TGM2: variants seen among roughly 807,000 people sequenced by gnomAD.
TGM2 encodes the protein transglutaminase 2.
In TGM2, 53 loss-of-function variants were observed where a neutral mutation model predicts 75.6. The ratio of observed to expected loss-of-function variants is 0.70; its 90% CI spans 0.56 to 0.88. TGM2 has a LOEUF of 0.88. TGM2 is among the 40% of genes least tolerant of loss of function. The probability of loss-of-function intolerance (pLI) is 0.00; values close to 1 mark genes in which losing one functional copy is unlikely to be tolerated. For synonymous variants in TGM2, 374 were observed against 381.1 expected (o/e 0.98, Z 0.22); for missense variants, 842 against 928.5 (o/e 0.91, Z 1.21).
chr20:38,133,559 G>GATTCATGTAGTTTAGC (rs1311605615), intron 10 of TGM2: 1 of 152,374 alleles, frequency 6.6e-6, no homozygotes, highest in African/African-American at 2.4e-5. Context: ...GCATTTTAAG[G>GATTCATGTAGTTTAGC]ATTCATGTAG....
upstream of TGM2, chr20:38,165,326 G>T: frequency 1.4e-6 from 2 of 1,434,384 alleles, no homozygotes; most frequent in Non-Finnish European, 1.9e-6. Flanking sequence ...GCCGGGGGCG[G>T]GGCCCCGCGG....
intron 5 of TGM2, 37 bp downstream of exon 5, chr20:38,147,924 A>G: frequency 6.3e-7 from 1 of 1,591,896 alleles, no homozygotes; most frequent in Non-Finnish European, 8.5e-7. Context: ...AGCCCCCTGT[A>G]GGCCCCGCCC....
In TGM2 at chr20:38,148,037, T is replaced by G; in HGVS notation, c.605A>C (p.Lys202Thr). ...ICLILLDVNPKFLKNAGRDCS... is the reference protein window; with the variant it reads ...ICLILLDVNPTFLKNAGRDCS... ...GTCACGGCCGGCGTTCTTCAGGAAC[T>G]TGGGGTTGACATCTAGAAGGATCAG... Residue 202 changes from lysine to threonine, a missense_variant, in exon 5 of 13, where the codon AAG becomes ACG. Transcript: ENST00000361475. 1 of 1,614,070 alleles carries G rather than the reference T, an allele frequency of 6.2e-7. No individual in the cohort carries two copies. Among genetic ancestry groups the G allele is most frequent in the Non-Finnish European group, 8.5e-7 (1 of 1,180,028 alleles).
At chr20:38,160,122 C>T (rs1011607299) in intron 2 of TGM2, among the ~76,000 whole-genome samples, 6 of 152,160 alleles carry the variant, frequency 3.9e-5, no homozygotes, top group African/African-American at 1.2e-4. Context: ...AGGAGCTATC[C>T]GAGGCTAGGC....
chr20:38,152,179 AC>A lies in TGM2; in HGVS notation c.434-1123del, dbSNP rs574669062. 2.1e-3 allele frequency among the ~76,000 whole-genome samples: 324 copies of A among 152,258 alleles called. 1 individual carries two copies. The highest frequency in any genetic ancestry group is 7.6e-3 in the African/African-American group (314 of 41,536). On this transcript the variant is annotated intron_variant, in intron 3 of 12. Transcript: ENST00000361475. ...TTTTAAATTACATTAAAACATGTTC[AC>A]GGGCCCCTAAGAGTTTCTCAGGCCC...
chr20:38,132,992 C>G, intron 10 of TGM2: 1 of 386,386 alleles, frequency 2.6e-6, no homozygotes, highest in Non-Finnish European at 5.3e-6. Flanking sequence ...TCCTACTTCA[C>G]CTACATGACA....
chr20:38,157,387 T>A (rs2075201335), intron 2 of TGM2, among the ~76,000 whole-genome samples: 1 of 152,200 alleles, frequency 6.6e-6, no homozygotes, highest in South Asian at 2.1e-4. Flanking sequence ...GGAGGAGCCA[T>A]GCAGGCCTGG....
chr20:38,139,276 G>T, intron 9 of TGM2, 136 bp downstream of exon 9: 1 of 1,246,776 alleles, frequency 8.0e-7, no homozygotes, highest in Non-Finnish European at 1.2e-6. Flanking sequence ...TGCTGAAGAT[G>T]GAGTATAGCC....
intron 9 of TGM2, 105 bp downstream of exon 9, chr20:38,139,307 T>C (rs1443484383): frequency 1.3e-6 from 2 of 1,557,694 alleles, no homozygotes. Context: ...TTGCTGTACG[T>C]AGGCTACCAA....
intron 8 of TGM2, 87 bp from the exon 9 acceptor site, chr20:38,139,741 G>C: frequency 6.4e-7 from 1 of 1,565,490 alleles, no homozygotes; most frequent in Non-Finnish European, 8.7e-7. Context: ...ATCACATGTA[G>C]CCAAAAACCT....
chr20:38,156,163 C>A, intron 2 of TGM2, 74 bp from the exon 3 acceptor site: 1 of 1,552,804 alleles, frequency 6.4e-7, no homozygotes, highest in Non-Finnish European at 8.7e-7. Flanking sequence ...CGTGGGGTCC[C>A]CCAGCTTGGG....
At chr20:38,138,648 C>G (rs2074931111) in intron 9 of TGM2, among the ~76,000 whole-genome samples, 1 of 152,200 alleles carries the variant, frequency 6.6e-6, no homozygotes, top group African/African-American at 2.4e-5. Flanking sequence ...GTGTTGTTTT[C>G]TGTTTCAAAC....
intron 8 of TGM2, among the ~76,000 whole-genome samples, chr20:38,140,561 GA>G (rs2074959634): frequency 6.6e-6 from 1 of 152,142 alleles, no homozygotes; most frequent in African/African-American, 2.4e-5. Context: ...GCAGCCTGAG[GA>G]GCACTTAGGA....
In TGM2 at chr20:38,129,670, G is replaced by C. The variant is rs1186718742; in HGVS notation, c.*549C>G. 1 of 156,850 alleles carries C rather than the reference G, an allele frequency of 6.4e-6. No individual in the cohort carries two copies. The highest frequency in any genetic ancestry group is 2.4e-5 in the African/African-American group (1 of 41,494). 9.7% of individuals were successfully genotyped at this position (156,850 alleles called of 1,614,324 possible). Reference sequence around the variant, plus strand: ...GTGCTTCACAATGGTGAGGTTGAGGGGGAGGGCTATTAAGCTTGGGCTGCT... The same window carrying C: ...GTGCTTCACAATGGTGAGGTTGAGGCGGAGGGCTATTAAGCTTGGGCTGCT... On this transcript the variant is annotated 3_prime_UTR_variant, in exon 13 of 13. Coordinates refer to ENST00000361475, the MANE Select transcript of TGM2 (RefSeq NM_004613.4).
chr20:38,141,048 A>AT (rs142265390), intron 8 of TGM2, among the ~76,000 whole-genome samples: 7,198 of 152,192 alleles, frequency 0.047, 163 homozygotes, highest in Middle Eastern at 0.11. Flanking sequence ...ATGCTATTTG[A>AT]TTTTTTTCTT....
In TGM2 at chr20:38,141,982, C is replaced by A. The variant is rs1230801675; in HGVS notation, c.995+82G>T. On this transcript the variant is annotated intron_variant, in intron 7 of 12. Coordinates refer to ENST00000361475, the MANE Select transcript of TGM2 (RefSeq NM_004613.4). ...TTTTAAGGCCCAATTCAAATGTGACCTCCTCCAAGAAGCCCTCCAAGGTTT... is the reference window on the plus strand; with the variant it reads ...TTTTAAGGCCCAATTCAAATGTGACATCCTCCAAGAAGCCCTCCAAGGTTT... 9 of 1,561,332 alleles carry A rather than the reference C, an allele frequency of 5.8e-6. No homozygotes were observed. The East Asian group carries it at 1.6e-4, about 27-fold the overall frequency.
chr20:38,164,319 G>GAA (rs2075287542), intron 1 of TGM2, among the ~76,000 whole-genome samples: 2 of 152,220 alleles, frequency 1.3e-5, no homozygotes, highest in Non-Finnish European at 2.9e-5. Context: ...AATGGGTGCA[G>GAA]AAGCCATCCC....
intron 8 of TGM2, 119 bp from the exon 9 acceptor site, chr20:38,139,773 C>T (rs912810295): frequency 1.1e-5 from 15 of 1,339,640 alleles, no homozygotes; most frequent in Non-Finnish European, 1.5e-5. Context: ...GGCCCTCTGA[C>T]GGAAGGACTC....
chr20:38,162,405 C>T (rs2075265437), intron 1 of TGM2, among the ~76,000 whole-genome samples: 1 of 152,052 alleles, frequency 6.6e-6, no homozygotes, highest in Non-Finnish European at 1.5e-5. Context: ...ACAGGAAATA[C>T]CCAGGGCTGA....
Sources: allele counts gnomAD v4.1 joint callset (sites outside exome capture counted in the v4.1 genomes callset), GRCh38; gene constraint gnomAD v4.1.1; transcripts MANE v1.5; gene names NCBI Gene and HGNC (gene_info 2026-07-23, HGNC 2026-07-21).